SIK3: variants seen among roughly 807,000 people sequenced by gnomAD.
SIK3 encodes SIK family kinase 3.
A neutral mutation model predicts 144.2 loss-of-function variants in SIK3; 28 were observed. The observed-to-expected ratio is 0.19, with a 90% CI of 0.14 to 0.27. SIK3 has a LOEUF of 0.27. SIK3 is among the 10% of genes least tolerant of loss of function. The pLI is 1.00. For synonymous variants in SIK3, 686 were observed against 676.3 expected (o/e 1.01, Z -0.22); for missense variants, 1,319 against 1,776.0 (o/e 0.74, Z 4.62).
chr11:116,966,382 G>A (rs1949550183), intron 1 of SIK3, among the ~76,000 whole-genome samples: 1 of 151,812 alleles, frequency 6.6e-6, no homozygotes, highest in Admixed American at 6.6e-5. Flanking sequence ...GCGAGAGGGA[G>A]ACCCCATTTC....
intron 23 of SIK3, among the ~76,000 whole-genome samples, chr11:116,847,222 T>C (rs1237102890): frequency 3.3e-5 from 5 of 152,176 alleles, no homozygotes; most frequent in Admixed American, 6.5e-5. Flanking sequence ...GAAAAAGTGA[T>C]TGAAGGCATA....
At chr11:116,875,765 G>C (rs995535679) in intron 9 of SIK3, 101 bp downstream of exon 9, 7 of 1,369,206 alleles carry the variant, frequency 5.1e-6, no homozygotes, top group Non-Finnish European at 6.9e-6. Context: ...CAGAGGTAAG[G>C]AAGAGCAAGA....
Position 117,036,048 on chromosome 11 carries a change from G to C in SIK3, c.273+62095C>G, listed in dbSNP as rs903956900. The stretch of plus-strand genomic sequence containing the variant: ...GGATGAAGGAGACCCTTTGCAAGAG[G>C]CATGTTCTCGTGTGGGTAGGTCATC... On this transcript the variant is annotated intron_variant, in intron 1 of 24. Transcript: ENST00000445177. The C allele has an allele frequency of 4.8e-6, 6 of 1,241,670 alleles. No individual in the cohort carries two copies. In the East Asian group the frequency reaches 1.2e-4, roughly 24 times the overall value. 76.9% of individuals were successfully genotyped at this position (1,241,670 alleles called of 1,614,324 possible).
intron 1 of SIK3, among the ~76,000 whole-genome samples, chr11:116,989,020 T>C (rs1462186730): frequency 6.6e-6 from 1 of 151,870 alleles, no homozygotes; most frequent in East Asian, 1.9e-4. Flanking sequence ...GTCTCCCAAA[T>C]AAGACTACAA....
At chr11:117,041,130 AAG>A (rs1275740074) in intron 1 of SIK3, among the ~76,000 whole-genome samples, 1 of 152,154 alleles carries the variant, frequency 6.6e-6, no homozygotes, top group African/African-American at 2.4e-5. Context: ...AAAATGTAAA[AAG>A]AGAGAATTCA....
In SIK3 at chr11:116,873,918, C is replaced by T. The variant is rs1459851462; in HGVS notation, c.1566G>A (p.Gly522=). 13 of 1,612,566 alleles carry T rather than the reference C, an allele frequency of 8.1e-6. 1 individual carries two copies. In the South Asian group the frequency reaches 1.4e-4, roughly 18 times the overall value. ...GTCTAGGTACCTTGTACTCAAGTTG[C>T]CCGGTTGGTTGCAAGTTTTGCATAG... ...LLPMQNLQPT[G]QLEYKEQSLL... is the part of the protein sequence containing the mutation. Residue 522 remains glycine, a synonymous_variant, in exon 12 of 25, where the codon GGG becomes GGA. Transcript: ENST00000445177.
Position 116,858,126 on chromosome 11 carries a change from G to A in SIK3, c.3339C>T (p.Ile1113=), listed in dbSNP as rs56161061. 378 of 1,614,168 alleles carry A rather than the reference G, an allele frequency of 2.3e-4. 3 individuals carry two copies. The East Asian group carries it at 5.3e-3, about 23-fold the overall frequency. The change falls in exon 21 of 25, where the codon ATC becomes ATT. Residue 1113 remains isoleucine, a synonymous_variant. Coordinates refer to ENST00000445177, the MANE Select transcript of SIK3 (RefSeq NM_001366686.3). The surrounding 1 kb of genome is among the most constrained non-coding windows in gnomAD (Gnocchi z 5.4). ...HHTSPQHLLQ[I]RAQECVSQAS... ...CCTGTGAGACACATTCTTGTGCCCT[G>A]ATTTGTAGCAGATGCTGGGGGCTGG... is the stretch of plus-strand genomic sequence containing the variant.
At chr11:116,970,673 C>A (rs1054387866) in intron 1 of SIK3, among the ~76,000 whole-genome samples, 3 of 152,032 alleles carry the variant, frequency 2.0e-5, no homozygotes, top group African/African-American at 2.4e-5. Flanking sequence ...CTTTTAGAGA[C>A]AGAGTCTTGC....
At chr11:117,037,069 A>G (rs1377456477) in intron 1 of SIK3, among the ~76,000 whole-genome samples, 3 of 152,194 alleles carry the variant, frequency 2.0e-5, no homozygotes, top group African/African-American at 7.2e-5. Flanking sequence ...GCCTAAGAAT[A>G]TTGGGGGCTT....
chr11:116,930,606 C>A (rs1312944263), intron 3 of SIK3, among the ~76,000 whole-genome samples: 1 of 152,152 alleles, frequency 6.6e-6, no homozygotes, highest in Non-Finnish European at 1.5e-5. Flanking sequence ...GTACGTTGAA[C>A]CTTGTCAGGA....
chr11:117,052,159 A>G (rs1459330754), intron 1 of SIK3, among the ~76,000 whole-genome samples: 4 of 152,116 alleles, frequency 2.6e-5, no homozygotes, highest in African/African-American at 9.7e-5. Context: ...GAAAAAAAGA[A>G]AGGAAAGAAA....
intron 1 of SIK3, among the ~76,000 whole-genome samples, chr11:117,039,075 C>G (rs1392982122): frequency 6.6e-6 from 1 of 151,804 alleles, no homozygotes; most frequent in East Asian, 1.9e-4. Context: ...AGAAATATCG[C>G]ACATTCACGG....
At position 117,064,733 on chromosome 11, in the gene SIK3, G is replaced by T. The variant is rs138783978; in HGVS notation, c.273+33410C>A. Among the ~76,000 whole-genome samples the T allele has an allele frequency of 1.1e-4, 16 of 152,216 alleles. No individual in the cohort carries two copies. In the East Asian group the frequency reaches 3.1e-3, roughly 29 times the overall value. On this transcript the variant is annotated intron_variant, in intron 1 of 24. Coordinates refer to ENST00000445177, the MANE Select transcript of SIK3 (RefSeq NM_001366686.3). ...AGGCAGGGTAATTAGTAGCTAAATG[G>T]CTTACAAATTGAGCTCTCTTCAAAC...
intron 1 of SIK3, among the ~76,000 whole-genome samples, chr11:117,018,539 C>T (rs1951629185): frequency 6.6e-6 from 1 of 151,924 alleles, no homozygotes; most frequent in African/African-American, 2.4e-5. Flanking sequence ...TTAGGTGTAA[C>T]ACAAATGGAA....
chr11:116,941,113 T>C (rs1000475481), intron 3 of SIK3, among the ~76,000 whole-genome samples: 25 of 152,026 alleles, frequency 1.6e-4, no homozygotes, highest in African/African-American at 5.8e-4. Flanking sequence ...TTCAGGCCAT[T>C]TTCCTGCCTC....
chr11:116,881,145 T>C (rs1944526274), intron 6 of SIK3, among the ~76,000 whole-genome samples: 1 of 151,652 alleles, frequency 6.6e-6, no homozygotes, highest in South Asian at 2.1e-4. Context: ...ATAAATAAAA[T>C]AAATAAATAA....
At chr11:116,943,681 G>A (rs1057412717) in intron 3 of SIK3, among the ~76,000 whole-genome samples, 1 of 152,034 alleles carries the variant, frequency 6.6e-6, no homozygotes, top group Admixed American at 6.6e-5. Context: ...TTGACAGTTT[G>A]CTTCATGGTT....
intron 4 of SIK3, among the ~76,000 whole-genome samples, chr11:116,906,821 A>G (rs1946066667): frequency 6.6e-6 from 1 of 152,246 alleles, no homozygotes; most frequent in South Asian, 2.1e-4. Flanking sequence ...ATCCATTCAG[A>G]GTTATCTACA....
chr11:117,070,516 G>A (rs979814745), intron 1 of SIK3, among the ~76,000 whole-genome samples: 11 of 151,342 alleles, frequency 7.3e-5, no homozygotes, highest in African/African-American at 2.2e-4. Context: ...GCACGATCTC[G>A]GCTCACTGCA....
Sources: allele counts gnomAD v4.1 joint callset (sites outside exome capture counted in the v4.1 genomes callset), GRCh38; gene constraint gnomAD v4.1.1; non-coding constraint Gnocchi (gnomAD v3.1); transcripts MANE v1.5; gene names NCBI Gene and HGNC (gene_info 2026-07-23, HGNC 2026-07-21).